The following ZNF439 variants were observed in gnomAD, a reference collection of about 807,000 sequenced individuals.
The protein encoded by ZNF439 is zinc finger protein 439.
ZNF439 carries 40 observed loss-of-function variants against 47.3 expected under a neutral mutation model. The observed-to-expected ratio is 0.85, with a 90% CI of 0.66 to 1.10. The LOEUF is 1.10. ZNF439 is among the 50% of genes least tolerant of loss of function. The probability of loss-of-function intolerance (pLI) is 0.00; values close to 1 mark genes in which losing one functional copy is unlikely to be tolerated. For missense variants in ZNF439, 556 were observed against 601.1 expected, an observed-to-expected ratio of 0.93 and a Z score of 0.78; for synonymous variants, 171 against 198.8, an observed-to-expected ratio of 0.86 and a Z score of 1.18.
rs937876963 is a variant in ZNF439, at chr19:11,851,279, A to G, written c.63+2349A>G. Reference sequence around the variant, plus strand: ...GCCTACCTGCATGTGGGCTGACAGCATCACAAAATTTATTACTCTGTTGAT... The same window carrying G: ...GCCTACCTGCATGTGGGCTGACAGCGTCACAAAATTTATTACTCTGTTGAT... On this transcript the variant is annotated intron_variant, in intron 1 of 3. Transcript: ENST00000682736. Among the ~76,000 whole-genome samples the G allele has an allele frequency of 2.0e-4, 31 of 152,208 alleles. 1 individual carries two copies. The highest frequency in any genetic ancestry group is 7.0e-4 in the African/African-American group (29 of 41,446).
Position 11,866,535 on chromosome 19 carries a change from A to G in ZNF439, c.191-2A>G, listed in dbSNP as rs988487286. The G allele has an allele frequency of 3.1e-6, 5 of 1,612,730 alleles. No individual in the cohort carries two copies. The African/African-American group carries it at 6.7e-5, about 22-fold the overall frequency. ...GATTATTTTTCTGTGTTTGTATTTT[A>G]GGAAAAAAGTGGAAAGACCAGAACA... On this transcript the variant is annotated splice_acceptor_variant, in intron 2 of 3. Coordinates refer to ENST00000682736, the MANE Select transcript of ZNF439 (RefSeq NM_001348719.2). LOFTEE classifies it high-confidence loss of function.
At chr19:11,860,601 G>A (rs2551857) in intron 1 of ZNF439, among the ~76,000 whole-genome samples, 28,644 of 152,066 alleles carry the variant, frequency 0.19, 3,648 homozygotes, top group Non-Finnish European at 0.27. Context: ...GAGGACGAAC[G>A]CGGGAATAAA....
rs767891954 is a variant in ZNF439, at chr19:11,868,456, G to A, written c.1402G>A (p.Glu468Lys). The change falls in exon 4 of 4, where the codon GAG becomes AAG. Residue 468 changes from glutamate (E) to lysine (K), a missense_variant. Glu to Lys is a moderately conservative substitution (Grantham distance 56). Transcript: ENST00000682736. ...LRIHRRIHTG[E>K]KPYECKKCGK... ...AATCCATCGTAGGATTCACACTGGAGAGAAACCCTATGAATGTAAGAAATG... is the reference window on the plus strand; with the variant it reads ...AATCCATCGTAGGATTCACACTGGAAAGAAACCCTATGAATGTAAGAAATG... 6.2e-7 allele frequency: 1 copy of A among 1,613,772 alleles called. No homozygotes were observed. The highest frequency in any genetic ancestry group is 8.5e-7 in the Non-Finnish European group (1 of 1,179,954).
rs1568263697 is a variant in ZNF439, at chr19:11,868,853, C to A, written c.*284C>A. On this transcript the variant is annotated 3_prime_UTR_variant, in exon 4 of 4. Coordinates refer to ENST00000682736, the MANE Select transcript of ZNF439 (RefSeq NM_001348719.2). Reference sequence around the variant, plus strand: ...AATGTGGAAAAGCGTTCCATAATTTCTCTTCTTTTCAAATACATGAAAGTT... The same window carrying A: ...AATGTGGAAAAGCGTTCCATAATTTATCTTCTTTTCAAATACATGAAAGTT... The A allele has an allele frequency of 8.5e-6, 4 of 468,114 alleles. No homozygotes were observed. The highest frequency in any genetic ancestry group is 8.3e-5 in the East Asian group (2 of 24,054). The allele number at this position is 468,114 out of a possible 1,614,324, so 29.0% of individuals were successfully genotyped here. A position where few individuals can be genotyped will look rare whatever the true frequency, so the allele number is the denominator to read the frequency against.
At chr19:11,851,079 C>T (rs529384631) in intron 1 of ZNF439, 2 of 152,046 alleles carry the variant, frequency 1.3e-5, no homozygotes, top group East Asian at 3.9e-4. Context: ...GAAGACCAAC[C>T]TGGCCAACAC....
At chr19:11,865,268 G>A (rs1370762144) in intron 1 of ZNF439, among the ~76,000 whole-genome samples, 1 of 151,966 alleles carries the variant, frequency 6.6e-6, no homozygotes, top group Non-Finnish European at 1.5e-5. Context: ...TTTCTTGTTT[G>A]CCCTCTTGTG....
At chr19:11,851,548 T>C (rs1976241373) in intron 1 of ZNF439, among the ~76,000 whole-genome samples, 1 of 152,186 alleles carries the variant, frequency 6.6e-6, no homozygotes, top group South Asian at 2.1e-4. Context: ...TGGTTGGTCT[T>C]TCTCTGGCTC....
At chr19:11,849,680 AAGC>A (rs1976179542) in intron 1 of ZNF439, 1 of 152,166 alleles carries the variant, frequency 6.6e-6, no homozygotes, top group Non-Finnish European at 1.5e-5. Context: ...TGAGAGTGTG[AAGC>A]TTTGTCTAAA....
rs1050101972 is a variant in ZNF439, at chr19:11,867,421, G to T, written c.367G>T (p.Val123Leu). ...NFQKKKASPE[V>L]KSCDSFVCEV... ...CCAGAAGAAGAAAGCTTCTCCTGAA[G>T]TAAAATCATGTGACAGCTTTGTGTG... The change falls in exon 4 of 4, where the codon GTA (valine) becomes TTA (leucine). Residue 123 changes from valine to leucine, a missense_variant. Coordinates refer to ENST00000682736, the MANE Select transcript of ZNF439 (RefSeq NM_001348719.2). The T allele has an allele frequency of 1.2e-6, 2 of 1,613,932 alleles. No individual in the cohort carries two copies. Among genetic ancestry groups the T allele is most frequent in the African/African-American group, 2.7e-5 (2 of 74,932 alleles).
Position 11,848,945 on chromosome 19 carries a change from CG to C in ZNF439, c.63+18del. The C allele has an allele frequency of 6.4e-7, 1 of 1,552,302 alleles. No individual in the cohort carries two copies. Among genetic ancestry groups the C allele is most frequent in the Non-Finnish European group, 8.8e-7 (1 of 1,141,366 alleles). On this transcript the variant is annotated intron_variant, in intron 1 of 3. Transcript: ENST00000682736. Reference sequence around the variant, plus strand: ...GCCGGGAAATGGTGCGTGTGCTGGCCGGGAGTGGTGCGATGGGGGAGGGGCT... The same window carrying C: ...GCCGGGAAATGGTGCGTGTGCTGGCCGGAGTGGTGCGATGGGGGAGGGGCT...
At chr19:11,858,167 G>T (rs1337958373) in intron 1 of ZNF439, 2 of 152,192 alleles carry the variant, frequency 1.3e-5, no homozygotes, top group East Asian at 3.9e-4. Context: ...GTATAGTAAA[G>T]AAAGGTCTAT....
chr19:11,853,392 C>T (rs964888270), intron 1 of ZNF439, among the ~76,000 whole-genome samples: 17 of 152,108 alleles, frequency 1.1e-4, no homozygotes, highest in African/African-American at 1.9e-4. Flanking sequence ...TTGTAGTGAA[C>T]GTGGGCCCCG....
chr19:11,850,320 C>T (rs1017884332), intron 1 of ZNF439: 1 of 152,104 alleles, frequency 6.6e-6, no homozygotes, highest in Non-Finnish European at 1.5e-5. Flanking sequence ...GTGATCCACC[C>T]CCCTCGGCCT....
intron 1 of ZNF439, chr19:11,850,943 A>G (rs1186214002): frequency 6.6e-6 from 1 of 152,178 alleles, no homozygotes; most frequent in Non-Finnish European, 1.5e-5. Flanking sequence ...AGGTGGGACA[A>G]TCACTTGAAC....
At position 11,848,731 on chromosome 19, in the gene ZNF439, G is replaced by T. The variant is rs570735550; in HGVS notation, c.-137G>T. On this transcript the variant is annotated 5_prime_UTR_variant, in exon 1 of 4. Transcript: ENST00000682736. ...ACTGGCTCGGGGCCCTGCCCACTGT[G>T]CATCCAGGCACGGAGGATGTTGCAT... is the stretch of plus-strand genomic sequence containing the variant. 6.1e-6 allele frequency: 7 copies of T among 1,152,456 alleles called. No homozygotes were observed. In the East Asian group the frequency reaches 3.8e-4, roughly 63 times the overall value. The allele number at this position is 1,152,456 out of a possible 1,614,324, so 71.4% of individuals were successfully genotyped here. A position where few individuals can be genotyped will look rare whatever the true frequency, so the allele number is the denominator to read the frequency against.
intron 1 of ZNF439, chr19:11,849,731 G>T (rs1400326558): frequency 3.3e-5 from 5 of 151,946 alleles, no homozygotes; most frequent in East Asian, 3.9e-4. Context: ...AAGGAAGGGG[G>T]TCTGTTATCT....
chr19:11,858,428 TG>T (rs1412181475), intron 1 of ZNF439: 15 of 145,896 alleles, frequency 1.0e-4, no homozygotes, highest in Non-Finnish European at 2.2e-4. Context: ...ATCGCACCAC[TG>T]CACTCCAGCC....
intron 1 of ZNF439, chr19:11,856,700 G>A (rs1321089772): frequency 6.6e-6 from 1 of 152,282 alleles, no homozygotes; most frequent in Admixed American, 6.5e-5. Context: ...CTGGCTGTGA[G>A]GCAGGTGAAA....
At chr19:11,850,560 C>G (rs948546621) in intron 1 of ZNF439, 6 of 151,954 alleles carry the variant, frequency 3.9e-5, no homozygotes, top group African/African-American at 1.5e-4. Flanking sequence ...AGAAAGATAG[C>G]AATGACCAAA....
Sources: gnomAD v4.1 joint callset for allele counts (sites outside exome capture counted in the v4.1 genomes callset) on GRCh38, gnomAD v4.1.1 for gene constraint, MANE v1.5 for transcripts, NCBI Gene and HGNC (gene_info 2026-07-23, HGNC 2026-07-21) for gene names.